GNAQ: variants seen among roughly 807,000 people sequenced by gnomAD.
GNAQ encodes guanine nucleotide-binding protein G(q) subunit alpha.
In GNAQ, 8 loss-of-function variants were observed where a neutral mutation model predicts 43.9. The ratio of observed to expected loss-of-function variants is 0.18; its 90% CI spans 0.11 to 0.33. GNAQ has a LOEUF of 0.33. Ranked by LOEUF, GNAQ falls within the 10% of genes least tolerant of loss-of-function variation. GNAQ has a pLI of 1.00. For missense variants in GNAQ, 158 were observed against 450.8 expected, an observed-to-expected ratio of 0.35 and a Z score of 5.88; for synonymous variants, 155 against 170.7, an observed-to-expected ratio of 0.91 and a Z score of 0.71.
At chr9:77,918,244 G>A (rs899871054) in intron 2 of GNAQ, among the ~76,000 whole-genome samples, 9 of 152,152 alleles carry the variant, frequency 5.9e-5, no homozygotes. Flanking sequence ...ACAAAGTTAT[G>A]CTGGACAATA....
In GNAQ at chr9:77,853,386, A is replaced by G. The variant is rs552839203; in HGVS notation, c.322-37616T>C. ...ATAAATAGTAGTAACAGGGCCTAGT[A>G]CAAGGCAAATGGTTAATATACCTTG... On this transcript the variant is annotated intron_variant, in intron 2 of 6. Coordinates refer to ENST00000286548, the MANE Select transcript of GNAQ (RefSeq NM_002072.5). Among the ~76,000 whole-genome samples the G allele has an allele frequency of 1.5e-4, 23 of 152,336 alleles. No individual in the cohort carries two copies. The South Asian group carries it at 4.6e-3, about 30-fold the overall frequency.
At chr9:77,937,392 C>T (rs1288088465) in intron 1 of GNAQ, among the ~76,000 whole-genome samples, 3 of 151,400 alleles carry the variant, frequency 2.0e-5, no homozygotes, top group African/African-American at 4.9e-5. Flanking sequence ...GAGCCAAGAT[C>T]GCACCACTGC....
chr9:77,849,061 C>A (rs971862962), intron 2 of GNAQ, among the ~76,000 whole-genome samples: 1 of 152,150 alleles, frequency 6.6e-6, no homozygotes, highest in Non-Finnish European at 1.5e-5. Context: ...GTGACAACAT[C>A]CTCAGCATGC....
intron 2 of GNAQ, among the ~76,000 whole-genome samples, chr9:77,896,733 A>T (rs1222811792): frequency 6.6e-6 from 1 of 152,206 alleles, no homozygotes; most frequent in Non-Finnish European, 1.5e-5. Flanking sequence ...CTCCTCCTCA[A>T]CTTCCCCTTT....
At chr9:77,937,785 G>A (rs1018618351) in intron 1 of GNAQ, among the ~76,000 whole-genome samples, 15 of 152,134 alleles carry the variant, frequency 9.9e-5, no homozygotes, top group Non-Finnish European at 2.1e-4. Context: ...CCAGCTACTC[G>A]GGAGGCTGAG....
At position 77,720,286 on chromosome 9, in the gene GNAQ, G is replaced by T; in HGVS notation, c.*1037C>A. The T allele has an allele frequency of 4.3e-6, 1 of 233,354 alleles. No homozygotes were observed. The highest frequency in any genetic ancestry group is 8.5e-6 in the Non-Finnish European group (1 of 117,912). The allele number at this position is 233,354 out of a possible 1,614,324, so 14.5% of individuals were successfully genotyped here. On this transcript the variant is annotated 3_prime_UTR_variant, in exon 7 of 7. Coordinates refer to ENST00000286548, the MANE Select transcript of GNAQ (RefSeq NM_002072.5). ...TAAGATACCAGCTTTTATTTTTTAA[G>T]TTCGTATTCATTTTATTTGACAAAA... is the stretch of plus-strand genomic sequence containing the variant.
chr9:77,762,090 C>T (rs1432819377), intron 5 of GNAQ, among the ~76,000 whole-genome samples: 1,434 of 125,368 alleles, frequency 0.011, 15 homozygotes, highest in African/African-American at 0.042. Context: ...GTCAGCCCCC[C>T]GCCTGGCCAG....
chr9:77,854,491 C>T (rs1827720171), intron 2 of GNAQ, among the ~76,000 whole-genome samples: 1 of 152,176 alleles, frequency 6.6e-6, no homozygotes, highest in Non-Finnish European at 1.5e-5. Flanking sequence ...GGGAAGTTAT[C>T]TGCTCATTAA....
At chr9:77,796,121 T>C (rs1259772624) in intron 4 of GNAQ, among the ~76,000 whole-genome samples, 1 of 152,194 alleles carries the variant, frequency 6.6e-6, no homozygotes, top group Middle Eastern at 3.2e-3. Flanking sequence ...ACCCTGAGGA[T>C]CATCTAATGC....
At chr9:77,921,667 G>C (rs754268933) in intron 2 of GNAQ, among the ~76,000 whole-genome samples, 1 of 152,170 alleles carries the variant, frequency 6.6e-6, no homozygotes, top group Non-Finnish European at 1.5e-5. Flanking sequence ...AGTGACAGAT[G>C]GACCTATTTT....
chr9:77,959,275 C>G (rs1823078856), intron 1 of GNAQ, among the ~76,000 whole-genome samples: 1 of 152,152 alleles, frequency 6.6e-6, no homozygotes, highest in African/African-American at 2.4e-5. Context: ...AACTTTCAGT[C>G]TATGATAAAA....
In GNAQ at chr9:78,031,332, CG is replaced by C. The variant is rs1464628217; in HGVS notation, c.-98del. On this transcript the variant is annotated 5_prime_UTR_variant, in exon 1 of 7. Transcript: ENST00000286548. ...CTCGCTCCCCCGAGGCAGCGGTGGCCGCCGAGCCCCCGCCGCCCGGGCGCGC... is the reference window on the plus strand; with the variant it reads ...CTCGCTCCCCCGAGGCAGCGGTGGCCCCGAGCCCCCGCCGCCCGGGCGCGC... 7 of 989,550 alleles carry C rather than the reference CG, an allele frequency of 7.1e-6. No homozygotes were observed. The highest frequency in any genetic ancestry group is 9.1e-6 in the Non-Finnish European group (7 of 766,908). 61.3% of individuals were successfully genotyped at this position (989,550 alleles called of 1,614,324 possible).
chr9:77,721,383 G>A lies in GNAQ; in HGVS notation c.1020C>T (p.Val340=). 6.2e-7 allele frequency: 1 copy of A among 1,613,632 alleles called. No individual in the cohort carries two copies. Among genetic ancestry groups the A allele is most frequent in the Non-Finnish European group, 8.5e-7 (1 of 1,179,808 alleles). Residue 340 remains valine, a synonymous_variant, in exon 7 of 7, where the codon GTC becomes GTT. Transcript: ENST00000286548. The part of the protein sequence containing the change: ...CATDTENIRF[V]FAAVKDTILQ... Reference sequence around the variant, plus strand: ...GGATGGTGTCCTTGACGGCAGCAAAGACAAAGCGGATATTCTCGGTGTCTG... The same window carrying A: ...GGATGGTGTCCTTGACGGCAGCAAAAACAAAGCGGATATTCTCGGTGTCTG...
At chr9:77,756,914 T>G (rs1439458402) in intron 5 of GNAQ, among the ~76,000 whole-genome samples, 1 of 152,188 alleles carries the variant, frequency 6.6e-6, no homozygotes, top group Non-Finnish European at 1.5e-5. Flanking sequence ...AATCCCACCC[T>G]AATAAGCACT....
At chr9:77,902,006 C>G (rs950636253) in intron 2 of GNAQ, among the ~76,000 whole-genome samples, 1 of 152,158 alleles carries the variant, frequency 6.6e-6, no homozygotes, top group Non-Finnish European at 1.5e-5. Flanking sequence ...CCAAAGGCCC[C>G]GCCTCCCAAT....
intron 1 of GNAQ, among the ~76,000 whole-genome samples, chr9:77,957,724 C>T (rs1262239138): frequency 3.9e-5 from 6 of 152,098 alleles, no homozygotes; most frequent in Non-Finnish European, 8.8e-5. Context: ...ATGAAGGCCA[C>T]TAGCATCATA....
At chr9:77,736,821 C>G (rs1825583601) in intron 5 of GNAQ, among the ~76,000 whole-genome samples, 2 of 152,210 alleles carry the variant, frequency 1.3e-5, no homozygotes, top group South Asian at 4.1e-4. Flanking sequence ...GCCCACAGTC[C>G]TAGAACTTAC....
At chr9:77,855,614 A>G (rs1284473074) in intron 2 of GNAQ, among the ~76,000 whole-genome samples, 1 of 152,174 alleles carries the variant, frequency 6.6e-6, no homozygotes, top group Non-Finnish European at 1.5e-5. Flanking sequence ...AAACATGCAG[A>G]AATAAATATG....
At chr9:77,944,159 G>A (rs888746326) in intron 1 of GNAQ, among the ~76,000 whole-genome samples, 26 of 151,878 alleles carry the variant, frequency 1.7e-4, no homozygotes, top group African/African-American at 6.3e-4. Flanking sequence ...ATTAACAATA[G>A]GATATCTGGC....
Sources: allele counts gnomAD v4.1 joint callset (sites outside exome capture counted in the v4.1 genomes callset), GRCh38; gene constraint gnomAD v4.1.1; transcripts MANE v1.5; gene names NCBI Gene and HGNC (gene_info 2026-07-23, HGNC 2026-07-21).